Variants in ADAMTSL3 observed in about 807,000 individuals in gnomAD.
ADAMTSL3 encodes ADAMTS-like protein 3.
A neutral mutation model predicts 201.7 loss-of-function variants in ADAMTSL3; 128 were observed. The ratio of observed to expected loss-of-function variants is 0.63; its 90% CI spans 0.55 to 0.73. The LOEUF (loss-of-function observed/expected upper bound fraction) is 0.73. Among genes scored for constraint, ADAMTSL3 ranks in the 30% least tolerant of loss-of-function variants. The probability of loss-of-function intolerance (pLI) is 0.00; values close to 1 mark genes in which losing one functional copy is unlikely to be tolerated. For synonymous variants in ADAMTSL3, 738 were observed against 748.4 expected (o/e 0.99, Z 0.23); for missense variants, 1,990 against 2,119.6 (o/e 0.94, Z 1.20).
intron 3 of ADAMTSL3, among the ~76,000 whole-genome samples, chr15:83,713,118 G>T (rs1397621292): frequency 2.0e-5 from 3 of 151,976 alleles, no homozygotes; most frequent in Non-Finnish European, 4.4e-5. Context: ...GATTTTCCTG[G>T]CCCACTAGCC....
At position 83,837,442 on chromosome 15, in the gene ADAMTSL3, G is replaced by A. The variant is rs574554722; in HGVS notation, c.601-647G>A. Among the ~76,000 whole-genome samples the A allele has an allele frequency of 2.5e-4, 38 of 152,062 alleles. No homozygotes were observed. In the South Asian group the frequency reaches 7.7e-3, roughly 31 times the overall value. Reference sequence around the variant, plus strand: ...GAGAGAATAGGATAAGTGTAGGGCTGGGGAGAGAGGAAACGTCTGTAATGT... The same window carrying A: ...GAGAGAATAGGATAAGTGTAGGGCTAGGGAGAGAGGAAACGTCTGTAATGT... On this transcript the variant is annotated intron_variant, in intron 6 of 29. Coordinates refer to ENST00000286744, the MANE Select transcript of ADAMTSL3 (RefSeq NM_207517.3).
intron 3 of ADAMTSL3, among the ~76,000 whole-genome samples, chr15:83,727,014 T>G (rs992061572): frequency 1.3e-5 from 2 of 152,006 alleles, no homozygotes; most frequent in South Asian, 4.1e-4. Context: ...AGTGAAGCCA[T>G]TGGGTCTTGG....
rs1314818264 is a variant in ADAMTSL3, at chr15:83,873,567, CAG to C, written c.960+2611_960+2612del. Among the ~76,000 whole-genome samples the C allele has an allele frequency of 2.8e-5, 4 of 144,246 alleles. 1 individual carries two copies. In the East Asian group the frequency reaches 9.3e-4, roughly 34 times the overall value. 94.6% of individuals were successfully genotyped at this position (144,246 alleles called of 152,430 possible). A position where few individuals can be genotyped will look rare whatever the true frequency, so the allele number is the denominator to read the frequency against. On this transcript the variant is annotated intron_variant, in intron 9 of 29. Coordinates refer to ENST00000286744, the MANE Select transcript of ADAMTSL3 (RefSeq NM_207517.3). The stretch of plus-strand genomic sequence containing the variant: ...CTAATTATTAATTTTTTTGTAGAGA[CAG>C]AGTCTCACTATGTTACCCAGGCTGG...
intron 23 of ADAMTSL3, among the ~76,000 whole-genome samples, chr15:84,013,684 G>C (rs1310044695): frequency 6.6e-6 from 1 of 152,158 alleles, no homozygotes; most frequent in African/African-American, 2.4e-5. Context: ...GAGGAAGGGA[G>C]GGTCACTTGA....
chr15:83,894,827 A>G (rs914324906), intron 13 of ADAMTSL3, among the ~76,000 whole-genome samples: 12 of 152,080 alleles, frequency 7.9e-5, no homozygotes, highest in African/African-American at 2.4e-4. Context: ...ACATATATAT[A>G]TATATATTTC....
chr15:84,021,867 A>T (rs2068211852), intron 26 of ADAMTSL3, among the ~76,000 whole-genome samples: 1 of 152,156 alleles, frequency 6.6e-6, no homozygotes, highest in African/African-American at 2.4e-5. Context: ...CCCTGCTCTC[A>T]ATCACTAACC....
intron 17 of ADAMTSL3, among the ~76,000 whole-genome samples, chr15:83,936,830 T>A (rs1347671908): frequency 6.6e-6 from 1 of 150,396 alleles, no homozygotes; most frequent in Admixed American, 6.6e-5. Context: ...AAACCAAAAA[T>A]CCCTTTAAAA....
At chr15:83,898,111 T>C in intron 14 of ADAMTSL3, 106 bp downstream of exon 14, 8 of 1,336,090 alleles carry the variant, frequency 6.0e-6, no homozygotes, top group Non-Finnish European at 8.2e-6. Flanking sequence ...ATAAAAATTG[T>C]TTTATTGACA....
At chr15:83,974,373 A>G (rs140797438) in intron 20 of ADAMTSL3, among the ~76,000 whole-genome samples, 1 of 152,390 alleles carries the variant, frequency 6.6e-6, no homozygotes, top group African/African-American at 2.4e-5. Context: ...CATTCTGAGA[A>G]TCATGAATTA....
chr15:83,945,128 C>T (rs2066630478), intron 19 of ADAMTSL3, among the ~76,000 whole-genome samples: 2 of 152,018 alleles, frequency 1.3e-5, no homozygotes, highest in African/African-American at 4.8e-5. Flanking sequence ...GAGATGAACC[C>T]ATCTCTCCAG....
chr15:83,996,780 C>CAAAAAAA (rs35758954), intron 23 of ADAMTSL3, among the ~76,000 whole-genome samples: 1 of 33,838 alleles, frequency 3.0e-5, no homozygotes, highest in Non-Finnish European at 5.1e-5. Context: ...GACTCTGCCT[C>CAAAAAAA]AAAAAAAAAA....
chr15:83,727,147 C>T (rs998193538), intron 3 of ADAMTSL3, among the ~76,000 whole-genome samples: 3 of 131,810 alleles, frequency 2.3e-5, no homozygotes, highest in Non-Finnish European at 5.0e-5. Context: ...AGGAATTTAT[C>T]CATTTTTTTT....
At chr15:83,718,816 C>G (rs1232156825) in intron 3 of ADAMTSL3, among the ~76,000 whole-genome samples, 1 of 152,012 alleles carries the variant, frequency 6.6e-6, no homozygotes, top group East Asian at 1.9e-4. Flanking sequence ...GCATTAGTCA[C>G]TGTTGGCGGG....
intron 4 of ADAMTSL3, among the ~76,000 whole-genome samples, chr15:83,778,715 T>C (rs930041262): frequency 6.6e-6 from 1 of 152,176 alleles, no homozygotes; most frequent in African/African-American, 2.4e-5. Context: ...TAAACAAGTC[T>C]GCAAAATAAC....
intron 9 of ADAMTSL3, among the ~76,000 whole-genome samples, chr15:83,872,069 T>A (rs146504878): frequency 2.6e-5 from 4 of 152,338 alleles, no homozygotes; most frequent in African/African-American, 9.6e-5. Flanking sequence ...GCAGTGGGAC[T>A]GGCCAAGCGT....
chr15:83,877,963 T>G (rs566758025), intron 9 of ADAMTSL3, among the ~76,000 whole-genome samples: 1 of 152,320 alleles, frequency 6.6e-6, no homozygotes, highest in African/African-American at 2.4e-5. Context: ...TTGTGAATTC[T>G]TTTGGATTGT....
intron 9 of ADAMTSL3, among the ~76,000 whole-genome samples, chr15:83,884,786 G>A (rs979132345): frequency 6.6e-6 from 1 of 152,114 alleles, no homozygotes; most frequent in Non-Finnish European, 1.5e-5. Context: ...AAAATCCAAT[G>A]TTTCAGGAAG....
At chr15:83,748,329 T>C (rs1313952595) in intron 3 of ADAMTSL3, among the ~76,000 whole-genome samples, 1 of 152,110 alleles carries the variant, frequency 6.6e-6, no homozygotes, top group Non-Finnish European at 1.5e-5. Flanking sequence ...TGTGTAGCAA[T>C]GTCATGATGC....
chr15:83,843,742 A>AGTCAG, intron 7 of ADAMTSL3, among the ~76,000 whole-genome samples: 1 of 152,188 alleles, frequency 6.6e-6, no homozygotes, highest in East Asian at 1.9e-4. Flanking sequence ...ACAGCCCTGC[A>AGTCAG]CTGGAGAATG....
Sources: gnomAD v4.1 joint callset for allele counts (sites outside exome capture counted in the v4.1 genomes callset) on GRCh38, gnomAD v4.1.1 for gene constraint, MANE v1.5 for transcripts, NCBI Gene and HGNC (gene_info 2026-07-23, HGNC 2026-07-21) for gene names.